Variants in SLC6A15 observed in about 807,000 individuals in gnomAD.
SLC6A15 encodes sodium-dependent neutral amino acid transporter B(0)AT2.
SLC6A15 carries 33 observed loss-of-function variants against 68.5 expected under a neutral mutation model. The ratio of observed to expected loss-of-function variants is 0.48; its 90% confidence interval spans 0.37 to 0.64. The LOEUF is 0.64. Ranked by LOEUF, SLC6A15 falls within the 30% of genes least tolerant of loss-of-function variation. SLC6A15 has a pLI of 0.00. For synonymous variants in SLC6A15, 347 were observed against 301.0 expected (o/e 1.15, Z -1.58); for missense variants, 747 against 874.3 (o/e 0.85, Z 1.84).
intron 2 of SLC6A15, among the ~76,000 whole-genome samples, chr12:84,889,129 C>A (rs1311337801): frequency 6.6e-6 from 1 of 152,154 alleles, no homozygotes; most frequent in Non-Finnish European, 1.5e-5. Context: ...TTAGTCTATT[C>A]TCACTAGATC....
At chr12:84,866,975 A>C (rs1714305155) in intron 10 of SLC6A15, 59 bp downstream of exon 10, 1 of 1,322,020 alleles carries the variant, frequency 7.6e-7, no homozygotes, top group Non-Finnish European at 1.0e-6. Flanking sequence ...ATGAACATTG[A>C]TAATTGATGT....
intron 5 of SLC6A15, among the ~76,000 whole-genome samples, chr12:84,878,385 C>T (rs114131972): frequency 0.016 from 2,444 of 152,116 alleles, 72 homozygotes; most frequent in African/African-American, 0.055. Context: ...TTGGCAGTTG[C>T]CTTGATCTCA....
rs139311691 is a variant in SLC6A15, at chr12:84,872,516, G to A, written c.1302+86C>T. 1.8e-5 allele frequency: 19 copies of A among 1,079,992 alleles called. No individual in the cohort carries two copies. In the African/African-American group the frequency reaches 2.7e-4, roughly 16 times the overall value. 66.9% of individuals were successfully genotyped at this position (1,079,992 alleles called of 1,614,324 possible). On this transcript the variant is annotated intron_variant, in intron 8 of 11. Transcript: ENST00000266682. ...TTAAGAGCTTCTTCGGGCATTTTAA[G>A]GCCCTTTTCCTGAAGGGAGTCTGCT...
intron 1 of SLC6A15, among the ~76,000 whole-genome samples, chr12:84,892,695 C>G (rs539680280): frequency 1.3e-5 from 2 of 152,202 alleles, no homozygotes; most frequent in South Asian, 2.1e-4. Context: ...CAATTGCAAA[C>G]CAACGCTGTA....
At chr12:84,884,305 T>G (rs1411030288) in intron 4 of SLC6A15, among the ~76,000 whole-genome samples, 1 of 152,076 alleles carries the variant, frequency 6.6e-6, no homozygotes, top group African/African-American at 2.4e-5. Context: ...TATTTTTATT[T>G]TATTTTATTT....
chr12:84,893,863 A>G (rs915434111), intron 1 of SLC6A15, among the ~76,000 whole-genome samples: 1 of 152,202 alleles, frequency 6.6e-6, no homozygotes, highest in South Asian at 2.1e-4. Flanking sequence ...TTTGGTGAAG[A>G]TTAAGAGAAA....
chr12:84,881,440 A>C, intron 5 of SLC6A15: 1 of 985,142 alleles, frequency 1.0e-6, no homozygotes, highest in Non-Finnish European at 1.2e-6. Context: ...GACTTTGATC[A>C]CTGAGCTGAA....
chr12:84,885,564 G>A lies in SLC6A15; in HGVS notation c.448-3C>T. On this transcript the variant is annotated splice_region_variant and splice_polypyrimidine_tract_variant and intron_variant, in intron 3 of 11. Coordinates refer to ENST00000266682, the MANE Select transcript of SLC6A15 (RefSeq NM_182767.6). Reference sequence around the variant, plus strand: ...TAGAGAGCTACAAAATAGCACACCTGCAAAATAAAATGATATCCCATTAAA... The same window carrying A: ...TAGAGAGCTACAAAATAGCACACCTACAAAATAAAATGATATCCCATTAAA... 6.2e-7 allele frequency: 1 copy of A among 1,609,808 alleles called. No homozygotes were observed. The highest frequency in any genetic ancestry group is 2.2e-5 in the East Asian group (1 of 44,614).
At chr12:84,885,127 A>T (rs1201463560) in intron 4 of SLC6A15, among the ~76,000 whole-genome samples, 16 of 152,022 alleles carry the variant, frequency 1.1e-4, no homozygotes, top group Admixed American at 9.8e-4. Context: ...AGTTTTAATG[A>T]AAATGTAAGG....
At chr12:84,902,287 T>TC (rs541038420) in intron 1 of SLC6A15, among the ~76,000 whole-genome samples, 125 of 152,036 alleles carry the variant, frequency 8.2e-4, no homozygotes, top group African/African-American at 2.9e-3. Context: ...ATATTTTTTT[T>TC]CCCAAAAGGT....
At chr12:84,870,423 C>A in intron 9 of SLC6A15, 55 bp downstream of exon 9, 1 of 1,283,172 alleles carries the variant, frequency 7.8e-7, no homozygotes, top group Non-Finnish European at 1.0e-6. Flanking sequence ...AATCTTTCAC[C>A]AAGAATAAAA....
chr12:84,870,580 G>A lies in SLC6A15; in HGVS notation c.1393C>T (p.Leu465Phe), dbSNP rs1871244496. The change falls in exon 9 of 12, where the codon CTC becomes TTC. Residue 465 changes from leucine (L) to phenylalanine (F), a missense_variant. Transcript: ENST00000266682. ...CCAAGGCCTAGATTGACCAGCATGA[G>A]GAAAAACATCACTGACCAGAAGGGA... Reference protein sequence around the residue: ...ASPFWSVMFFLMLVNLGLGSM... With the variant: ...ASPFWSVMFFFMLVNLGLGSM... 3 of 1,612,524 alleles carry A rather than the reference G, an allele frequency of 1.9e-6. No individual in the cohort carries two copies. The highest frequency in any genetic ancestry group is 2.2e-5 in the South Asian group (2 of 90,842).
chr12:84,867,349 T>C, intron 9 of SLC6A15, 156 bp from the exon 10 acceptor site: 1 of 460,294 alleles, frequency 2.2e-6, no homozygotes, highest in Non-Finnish European at 3.6e-6. Flanking sequence ...ATATAACCTA[T>C]TAGGAATTAG....
intron 8 of SLC6A15, 99 bp from the exon 9 acceptor site, chr12:84,870,769 G>T (rs2120565992): frequency 1.5e-6 from 1 of 652,894 alleles, no homozygotes; most frequent in Non-Finnish European, 2.5e-6. Flanking sequence ...CTGAATAATG[G>T]CCAGGACTGC....
chr12:84,867,286 C>G, intron 9 of SLC6A15, 93 bp from the exon 10 acceptor site: 1 of 1,061,598 alleles, frequency 9.4e-7, no homozygotes, highest in Non-Finnish European at 1.3e-6. Flanking sequence ...ACTTTTAAAA[C>G]TTTTATAACA....
intron 5 of SLC6A15, chr12:84,882,193 C>A (rs1239999644): frequency 1.0e-6 from 1 of 985,212 alleles, no homozygotes; most frequent in South Asian, 4.7e-5. Flanking sequence ...CTCTGGATGA[C>A]CACAGTTGGT....
intron 8 of SLC6A15, among the ~76,000 whole-genome samples, chr12:84,871,071 C>G: frequency 6.6e-6 from 1 of 151,362 alleles, no homozygotes; most frequent in East Asian, 1.9e-4. Context: ...ATTTCTGGCT[C>G]ATATATAAAG....
intron 1 of SLC6A15, among the ~76,000 whole-genome samples, chr12:84,906,561 T>C (rs1873165519): frequency 6.6e-6 from 1 of 152,162 alleles, no homozygotes; most frequent in Non-Finnish European, 1.5e-5. Context: ...ATGAAGTCTA[T>C]GTGAGGTTGG....
intron 2 of SLC6A15, among the ~76,000 whole-genome samples, chr12:84,890,474 A>G (rs947208743): frequency 6.6e-6 from 1 of 152,218 alleles, no homozygotes; most frequent in Non-Finnish European, 1.5e-5. Context: ...AACAAAAAGC[A>G]GGATAGTACA....
Sources: allele counts gnomAD v4.1 joint callset (sites outside exome capture counted in the v4.1 genomes callset), GRCh38; gene constraint gnomAD v4.1.1; transcripts MANE v1.5; gene names NCBI Gene and HGNC (gene_info 2026-07-23, HGNC 2026-07-21).